SEMA3C: variants seen among roughly 807,000 people sequenced by gnomAD.
SEMA3C encodes the protein semaphorin 3C.
Under a neutral mutation model 89.4 loss-of-function variants are expected in SEMA3C, and 47 were observed. That is an observed-to-expected ratio of 0.53 (90% CI 0.42 to 0.67). SEMA3C has a LOEUF of 0.67. SEMA3C is among the 30% of genes least tolerant of loss of function. SEMA3C has a pLI of 0.00. For synonymous variants in SEMA3C, 310 were observed against 320.2 expected (o/e 0.97, Z 0.34); for missense variants, 839 against 929.1 (o/e 0.90, Z 1.26).
intron 6 of SEMA3C, among the ~76,000 whole-genome samples, chr7:80,810,410 A>G (rs111336924): frequency 6.6e-6 from 1 of 152,298 alleles, no homozygotes; most frequent in Admixed American, 6.5e-5. Context: ...CAAAACTGTC[A>G]TAAGTTACAT....
intron 4 of SEMA3C, among the ~76,000 whole-genome samples, chr7:80,820,455 T>C (rs1789720535): frequency 6.6e-6 from 1 of 152,078 alleles, no homozygotes; most frequent in Non-Finnish European, 1.5e-5. Flanking sequence ...TTAAAGTCAA[T>C]ATTATTTTAC....
intron 2 of SEMA3C, among the ~76,000 whole-genome samples, chr7:80,846,390 T>C (rs1392680233): frequency 6.6e-6 from 1 of 152,200 alleles, no homozygotes; most frequent in Non-Finnish European, 1.5e-5. Flanking sequence ...AAGGTCTCAC[T>C]CTGTCACCCA....
Position 80,828,688 on chromosome 7 carries a change from T to C in SEMA3C, c.161A>G (p.Tyr54Cys). The C allele has an allele frequency of 1.2e-6, 2 of 1,612,318 alleles. No individual in the cohort carries two copies. Among genetic ancestry groups the C allele is most frequent in the Non-Finnish European group, 1.7e-6 (2 of 1,178,744 alleles). ...ATCTTCATCCATTAATAAAATCCTG[T>C]AGTCTAAAGGATGGTGGGAAAGGCT... ...YFSLSHHPLD[Y>C]RILLMDEDQD... Residue 54 changes from tyrosine (Y) to cysteine (C), a missense_variant, in exon 3 of 18, where the codon TAC becomes TGC. By Grantham distance (194) the Tyr-to-Cys change is radical. Transcript: ENST00000265361.
At chr7:80,774,657 T>C (rs1393502448) in intron 12 of SEMA3C, among the ~76,000 whole-genome samples, 2 of 152,102 alleles carry the variant, frequency 1.3e-5, no homozygotes, top group African/African-American at 4.8e-5. Flanking sequence ...AGACAGATTA[T>C]AGAATTTATG....
intron 2 of SEMA3C, among the ~76,000 whole-genome samples, chr7:80,870,011 T>C (rs1791018190): frequency 6.6e-6 from 1 of 152,236 alleles, no homozygotes; most frequent in South Asian, 2.1e-4. Flanking sequence ...TCAAAAATGT[T>C]CAGTCTCTTT....
chr7:80,753,027 A>G (rs1206678867), intron 15 of SEMA3C, among the ~76,000 whole-genome samples: 1 of 152,130 alleles, frequency 6.6e-6, no homozygotes, highest in Admixed American at 6.5e-5. Flanking sequence ...ATTGATAGTG[A>G]AAAAAAGCTC....
In SEMA3C at chr7:80,751,265, A is replaced by G. The variant is rs1479546228; in HGVS notation, c.1711+4T>C. On this transcript the variant is annotated splice_donor_region_variant and intron_variant, in intron 16 of 17. Coordinates refer to ENST00000265361, the MANE Select transcript of SEMA3C (RefSeq NM_006379.5). ...TGAGATTGGCCATTGCTCACTTTTA[A>G]TACCTTTTAGATTAAATCCTCTGCA... 1 of 1,613,372 alleles carries G rather than the reference A, an allele frequency of 6.2e-7. No individual in the cohort carries two copies. The highest frequency in any genetic ancestry group is 1.7e-5 in the Admixed American group (1 of 60,020).
chr7:80,753,516 GA>G (rs78273625), intron 15 of SEMA3C, among the ~76,000 whole-genome samples: 1 of 152,080 alleles, frequency 6.6e-6, no homozygotes, highest in Non-Finnish European at 1.5e-5. Flanking sequence ...TTGAAATGCA[GA>G]AAAAAACATT....
At position 80,918,831 on chromosome 7, in the gene SEMA3C, G is replaced by A; in HGVS notation, c.-42C>T. On this transcript the variant is annotated 5_prime_UTR_variant, in exon 1 of 18. Coordinates refer to ENST00000265361, the MANE Select transcript of SEMA3C (RefSeq NM_006379.5). ...GAAAATGACCAATTTAGCTTACCGAGGTTGAAAGAAATCAGCACGGAAAAG... is the reference window on the plus strand; with the variant it reads ...GAAAATGACCAATTTAGCTTACCGAAGTTGAAAGAAATCAGCACGGAAAAG... 3 of 985,428 alleles carry A rather than the reference G, an allele frequency of 3.0e-6. No individual in the cohort carries two copies. The highest frequency in any genetic ancestry group is 3.6e-6 in the Non-Finnish European group (3 of 829,942). The allele number at this position is 985,428 out of a possible 1,614,324, so 61.0% of individuals were successfully genotyped here. A position where few individuals can be genotyped will look rare whatever the true frequency, so the allele number is the denominator to read the frequency against.
chr7:80,815,684 T>G (rs1789590961), intron 5 of SEMA3C, among the ~76,000 whole-genome samples: 1 of 151,448 alleles, frequency 6.6e-6, no homozygotes, highest in Admixed American at 6.6e-5. Context: ...GAAAAAATCC[T>G]ACAAAAAGAT....
At chr7:80,908,106 T>C (rs761529118) in intron 2 of SEMA3C, among the ~76,000 whole-genome samples, 3 of 152,182 alleles carry the variant, frequency 2.0e-5, no homozygotes, top group East Asian at 3.9e-4. Context: ...TTAAGAATTA[T>C]AGTTGCATTG....
At chr7:80,827,389 A>AT in intron 4 of SEMA3C, 36 bp downstream of exon 4, 2 of 1,111,646 alleles carry the variant, frequency 1.8e-6, no homozygotes, top group Non-Finnish European at 2.5e-6. Flanking sequence ...TATTTAAGTT[A>AT]GTGTTTTTTT....
chr7:80,827,475 C>T lies in SEMA3C; in HGVS notation c.277G>A (p.Ala93Thr). 6.3e-7 allele frequency: 1 copy of T among 1,586,978 alleles called. No homozygotes were observed. Among genetic ancestry groups the T allele is most frequent in the Non-Finnish European group, 8.5e-7 (1 of 1,169,594 alleles). The change falls in exon 4 of 18, where the codon GCA becomes ACA. Residue 93 changes from alanine (A) to threonine (T), a missense_variant. Ala to Thr is a moderately conservative substitution (Grantham distance 58). Transcript: ENST00000265361. ...SQEALSVFWPASTIKVEECKM... is the reference protein window; with the variant it reads ...SQEALSVFWPTSTIKVEECKM... ...CATTCTTCAACTTTGATTGTAGATGCTGGCCAGAAAACCTGCTCAGAAAGA... is the reference window on the plus strand; with the variant it reads ...CATTCTTCAACTTTGATTGTAGATGTTGGCCAGAAAACCTGCTCAGAAAGA...
At chr7:80,894,205 A>G (rs527593163) in intron 2 of SEMA3C, among the ~76,000 whole-genome samples, 7 of 152,320 alleles carry the variant, frequency 4.6e-5, no homozygotes, top group African/African-American at 1.7e-4. Context: ...GTGCATAAGA[A>G]AGTAGAGTAT....
chr7:80,899,424 A>T (rs1458851741), intron 2 of SEMA3C, among the ~76,000 whole-genome samples: 1 of 152,206 alleles, frequency 6.6e-6, no homozygotes, highest in Non-Finnish European at 1.5e-5. Context: ...AAATGATATG[A>T]CATATTGTTA....
In SEMA3C at chr7:80,864,459, T is replaced by C. The variant is rs573992185; in HGVS notation, c.104-35714A>G. On this transcript the variant is annotated intron_variant, in intron 2 of 17. Transcript: ENST00000265361. ...AATGTATCTCTTTCCTTAGAGTTTT[T>C]ATTCAATATTTAACTTAACACAAGG... is the stretch of plus-strand genomic sequence containing the variant. 4.6e-5 allele frequency among the ~76,000 whole-genome samples: 7 copies of C among 152,292 alleles called. No homozygotes were observed. The South Asian group carries it at 1.5e-3, about 32-fold the overall frequency.
rs571044386 is a variant in SEMA3C at position 80,865,720 on chromosome 7, G to A, written c.104-36975C>T. On this transcript the variant is annotated intron_variant, in intron 2 of 17. Coordinates refer to ENST00000265361, the MANE Select transcript of SEMA3C (RefSeq NM_006379.5). ...TGAGACAGGAGAATCACTTGAACCC[G>A]GGAGGGGGGGTTACAGTGAGCAGAG... Among the ~76,000 whole-genome samples, 22 of 152,250 alleles carry A rather than the reference G, an allele frequency of 1.4e-4. No homozygotes were observed. The East Asian group carries it at 3.1e-3, about 21-fold the overall frequency.
At chr7:80,750,473 TACACACAC>T (rs56793292) in intron 16 of SEMA3C, among the ~76,000 whole-genome samples, 7 of 55,430 alleles carry the variant, frequency 1.3e-4, no homozygotes, top group Admixed American at 2.2e-4. Flanking sequence ...TATATATATA[TACACACAC>T]ACACACACAC....
intron 2 of SEMA3C, among the ~76,000 whole-genome samples, chr7:80,897,350 C>T (rs1255180795): frequency 6.6e-6 from 1 of 152,122 alleles, no homozygotes; most frequent in African/African-American, 2.4e-5. Context: ...CCTTGAATAA[C>T]AAGTGGATCT....
Sources: gnomAD v4.1 joint callset for allele counts (sites outside exome capture counted in the v4.1 genomes callset) on GRCh38, gnomAD v4.1.1 for gene constraint, MANE v1.5 for transcripts, NCBI Gene and HGNC (gene_info 2026-07-23, HGNC 2026-07-21) for gene names.